Variants in ZDHHC21 observed in about 807,000 individuals in gnomAD.
The protein encoded by ZDHHC21 is zDHHC palmitoyltransferase 21.
Under a neutral mutation model 34.6 loss-of-function variants are expected in ZDHHC21, and 15 were observed. The ratio of observed to expected loss-of-function variants is 0.43; its 90% CI spans 0.29 to 0.67. The LOEUF is 0.67. ZDHHC21 is among the 30% of genes least tolerant of loss of function. ZDHHC21 has a pLI of 0.14. For missense variants in ZDHHC21, 344 were observed against 327.7 expected, an observed-to-expected ratio of 1.05 and a Z score of -0.38; for synonymous variants, 142 against 101.8, an observed-to-expected ratio of 1.40 and a Z score of -2.38.
At chr9:14,629,660 A>G (rs1826968927) in intron 8 of ZDHHC21, among the ~76,000 whole-genome samples, 1 of 152,190 alleles carries the variant, frequency 6.6e-6, no homozygotes, top group Non-Finnish European at 1.5e-5. Flanking sequence ...TTGAACCTTC[A>G]GGGAGATGTA....
chr9:14,672,786 G>T, intron 5 of ZDHHC21, 44 bp downstream of exon 5: 1 of 1,314,000 alleles, frequency 7.6e-7, no homozygotes, highest in Non-Finnish European at 1.1e-6. Flanking sequence ...AATAAAGACA[G>T]TAATTCTGGC....
chr9:14,622,785 C>G, intron 8 of ZDHHC21: 1 of 966,590 alleles, frequency 1.0e-6, no homozygotes, highest in Non-Finnish European at 1.2e-6. Context: ...CCTGTTTAAC[C>G]CTGCAAACAA....
At chr9:14,660,439 G>C (rs1189661049) in intron 6 of ZDHHC21, among the ~76,000 whole-genome samples, 1 of 148,734 alleles carries the variant, frequency 6.7e-6, no homozygotes, top group South Asian at 2.1e-4. Flanking sequence ...GGCAACGTGA[G>C]AATTGACCTC....
Position 14,674,296 on chromosome 9 carries a change from G to C in ZDHHC21, c.45C>G (p.Cys15Trp). ...IHFVVDPHGWCCMGLIVFVWL... is the reference protein window; with the variant it reads ...IHFVVDPHGWWCMGLIVFVWL... ...AAACAAAGACAATCAAACCCATGCA[G>C]CACCAACCATGTGGGTCAACAACAA... The change falls in exon 4 of 10, where the codon TGC becomes TGG. Residue 15 changes from cysteine (C) to tryptophan (W), a missense_variant. Physicochemically the swap from Cys to Trp is radical, Grantham distance 215. Transcript: ENST00000380916. 6.3e-7 allele frequency: 1 copy of C among 1,597,000 alleles called. No individual in the cohort carries two copies. The highest frequency in any genetic ancestry group is 1.1e-5 in the South Asian group (1 of 87,136).
chr9:14,655,477 T>C (rs145333821), intron 7 of ZDHHC21, among the ~76,000 whole-genome samples: 405 of 152,076 alleles, frequency 2.7e-3, no homozygotes, highest in African/African-American at 8.8e-3. Context: ...ACACATAATG[T>C]ATATGTAACA....
chr9:14,663,523 TTTTA>T (rs1429918996), intron 5 of ZDHHC21, among the ~76,000 whole-genome samples: 2 of 151,694 alleles, frequency 1.3e-5, no homozygotes, highest in Non-Finnish European at 2.9e-5. Context: ...ATATTGATAT[TTTTA>T]TTTCTTTTTT....
chr9:14,596,327 C>T, the ZDHHC21 span, among the ~76,000 whole-genome samples: 2 of 152,226 alleles, frequency 1.3e-5, no homozygotes, highest in East Asian at 1.9e-4. Flanking sequence ...TCAGTGGCAA[C>T]ATGAGGCTGC....
At chr9:14,598,189 C>T in the ZDHHC21 span, among the ~76,000 whole-genome samples, 1 of 152,074 alleles carries the variant, frequency 6.6e-6, no homozygotes, top group South Asian at 2.1e-4. Flanking sequence ...GTATGCTGCC[C>T]AAAGACCCAA....
At chr9:14,595,221 A>C in the ZDHHC21 span, among the ~76,000 whole-genome samples, 1 of 152,234 alleles carries the variant, frequency 6.6e-6, no homozygotes, top group Admixed American at 6.5e-5. Context: ...AATTCAAAGC[A>C]GTATTACTCA....
intron 8 of ZDHHC21, among the ~76,000 whole-genome samples, chr9:14,636,363 C>T (rs1260837763): frequency 6.6e-6 from 1 of 152,090 alleles, no homozygotes. Flanking sequence ...GAAGATATAA[C>T]AACTCTAAAT....
downstream of ZDHHC21, among the ~76,000 whole-genome samples, chr9:14,608,459 T>G (rs1823087929): frequency 6.6e-6 from 1 of 152,184 alleles, no homozygotes; most frequent in South Asian, 2.1e-4. Flanking sequence ...GAATTGTATA[T>G]TCCAAGTTCC....
chr9:14,607,628 G>C (rs75239141), downstream of ZDHHC21, among the ~76,000 whole-genome samples: 9 of 151,644 alleles, frequency 5.9e-5, no homozygotes, highest in African/African-American at 2.2e-4. Flanking sequence ...GGCTGGGGGC[G>C]GGGGGGAAGT....
At position 14,674,245 on chromosome 9, in the gene ZDHHC21, G is replaced by T. The variant is rs1162181908; in HGVS notation, c.96C>A (p.Pro32=). ...FVWLYNIVLI[P]KIVLFPHYEE... ...CATAGTGAGGAAAGAGGACAATTTT[G>T]GGAATTAAAACAATATTGTATAACC... is the stretch of plus-strand genomic sequence containing the variant. The change falls in exon 4 of 10, where the codon CCC becomes CCA. Residue 32 remains proline, a synonymous_variant. Coordinates refer to ENST00000380916, the MANE Select transcript of ZDHHC21 (RefSeq NM_178566.6). 6.3e-7 allele frequency: 1 copy of T among 1,590,222 alleles called. No individual in the cohort carries two copies. The highest frequency in any genetic ancestry group is 1.2e-5 in the South Asian group (1 of 85,546).
the ZDHHC21 span, among the ~76,000 whole-genome samples, chr9:14,604,613 T>C: frequency 6.6e-6 from 1 of 152,110 alleles, no homozygotes; most frequent in Admixed American, 6.6e-5. Flanking sequence ...AGCAAAACAT[T>C]AGCATGTAAT....
chr9:14,692,233 G>T (rs1240000171), intron 1 of ZDHHC21, among the ~76,000 whole-genome samples: 1 of 152,154 alleles, frequency 6.6e-6, no homozygotes, highest in Non-Finnish European at 1.5e-5. Flanking sequence ...TTTTAATCCA[G>T]GAATGGCGCA....
At chr9:14,597,411 G>C in the ZDHHC21 span, among the ~76,000 whole-genome samples, 1 of 152,148 alleles carries the variant, frequency 6.6e-6, no homozygotes, top group Admixed American at 6.5e-5. Context: ...CAGTGGACCA[G>C]GGAGGCTGCT....
chr9:14,672,445 C>T (rs10123973), intron 5 of ZDHHC21, among the ~76,000 whole-genome samples: 37,843 of 151,902 alleles, frequency 0.25, 5,225 homozygotes, highest in East Asian at 0.35. Context: ...AAAATTATCT[C>T]TGTACATAGA....
intron 8 of ZDHHC21, among the ~76,000 whole-genome samples, chr9:14,628,706 T>A (rs2133552125): frequency 6.6e-6 from 1 of 152,298 alleles, no homozygotes; most frequent in East Asian, 1.9e-4. Context: ...GGATTCGAAT[T>A]ATGACAAAAA....
At chr9:14,633,381 A>C (rs1224922400) in intron 8 of ZDHHC21, among the ~76,000 whole-genome samples, 2 of 151,922 alleles carry the variant, frequency 1.3e-5, no homozygotes, top group African/African-American at 4.8e-5. Flanking sequence ...CCCACTGCAG[A>C]CTCCTGCATC....
Sources: allele counts gnomAD v4.1 joint callset (sites outside exome capture counted in the v4.1 genomes callset), GRCh38; gene constraint gnomAD v4.1.1; transcripts MANE v1.5; gene names NCBI Gene and HGNC (gene_info 2026-07-23, HGNC 2026-07-21).